The following SLC47A2 variants were observed in gnomAD, a reference collection of about 807,000 sequenced individuals.
SLC47A2 encodes solute carrier family 47 member 2.
A neutral mutation model predicts 67.7 loss-of-function variants in SLC47A2; 52 were observed. The ratio of observed to expected loss-of-function variants is 0.77; its 90% CI spans 0.61 to 0.97. The LOEUF (loss-of-function observed/expected upper bound fraction) is 0.97. Among genes scored for constraint, SLC47A2 ranks in the 50% least tolerant of loss-of-function variants. SLC47A2 has a pLI of 0.00. For missense variants in SLC47A2, 676 were observed against 712.3 expected (o/e 0.95, Z 0.58); for synonymous variants, 278 against 292.9 (o/e 0.95, Z 0.52).
chr17:19,680,007 C>T lies in SLC47A2; in HGVS notation c.1425G>A (p.Gln475=). 1 of 1,612,494 alleles carries T rather than the reference C, an allele frequency of 6.2e-7. No homozygotes were observed. The highest frequency in any genetic ancestry group is 8.5e-7 in the Non-Finnish European group (1 of 1,179,218). ...GTCTGGTTGCAGTGCTCTCTGCTCT[C>T]TGCTGCTGCTGCCGGCCTGAATGTT... is the stretch of plus-strand genomic sequence containing the variant. ...AKKHSGRQQQ[Q]RAESTATRPG... is the part of the protein sequence containing the mutation. Residue 475 remains glutamine, a synonymous_variant, in exon 16 of 17, where the codon CAG becomes CAA. Coordinates refer to ENST00000433844, the MANE Select transcript of SLC47A2 (RefSeq NM_001099646.3).
At chr17:19,690,509 T>C (rs2152342756) in intron 13 of SLC47A2, among the ~76,000 whole-genome samples, 1 of 152,178 alleles carries the variant, frequency 6.6e-6, no homozygotes, top group Non-Finnish European at 1.5e-5. Context: ...GAGAAGATAT[T>C]TGCAAACTAT....
At chr17:19,715,963 T>A (rs1286252334) in intron 1 of SLC47A2, 1 of 155,876 alleles carries the variant, frequency 6.4e-6, no homozygotes, top group African/African-American at 2.4e-5. Flanking sequence ...CTGCTCGGCC[T>A]CCCAAAGTGC....
intron 5 of SLC47A2, among the ~76,000 whole-genome samples, chr17:19,709,825 TC>T (rs982554283): frequency 9.9e-5 from 15 of 152,002 alleles, no homozygotes; most frequent in South Asian, 4.2e-4. Flanking sequence ...ACAGGGCATT[TC>T]CCCCCGACCC....
intron 13 of SLC47A2, among the ~76,000 whole-genome samples, chr17:19,682,364 C>CACACACACAA (rs778377991): frequency 1.4e-5 from 2 of 146,774 alleles, no homozygotes; most frequent in African/African-American, 5.4e-5. Flanking sequence ...CACACACACA[C>CACACACACAA]AAATTTATTA....
At chr17:19,698,091 A>G (rs1310366560) in intron 13 of SLC47A2, among the ~76,000 whole-genome samples, 1 of 152,158 alleles carries the variant, frequency 6.6e-6, no homozygotes, top group African/African-American at 2.4e-5. Context: ...TTTTGTAGAT[A>G]TTGACAAACT....
intron 5 of SLC47A2, among the ~76,000 whole-genome samples, chr17:19,709,961 A>G (rs964565360): frequency 1.8e-4 from 28 of 152,288 alleles, no homozygotes; most frequent in African/African-American, 5.8e-4. Flanking sequence ...CCAGAAAAAA[A>G]TCTGTAACCA....
chr17:19,703,950 G>A (rs1597621617), intron 11 of SLC47A2, 120 bp downstream of exon 11: 2 of 693,156 alleles, frequency 2.9e-6, no homozygotes, highest in East Asian at 3.2e-5. Context: ...CAGCAGGCTT[G>A]GAAGATAAAC....
intron 13 of SLC47A2, among the ~76,000 whole-genome samples, chr17:19,690,187 A>G (rs191328128): frequency 4.5e-4 from 69 of 152,342 alleles, no homozygotes; most frequent in African/African-American, 1.6e-3. Context: ...AGTCTCTTCA[A>G]TAAATAATGC....
intron 13 of SLC47A2, among the ~76,000 whole-genome samples, chr17:19,694,410 A>G (rs563288923): frequency 1.3e-5 from 2 of 152,340 alleles, no homozygotes; most frequent in African/African-American, 4.8e-5. Flanking sequence ...TCACAATGGC[A>G]TAGCATAGAC....
chr17:19,692,676 C>G (rs758761056), intron 13 of SLC47A2, among the ~76,000 whole-genome samples: 22 of 152,172 alleles, frequency 1.4e-4, no homozygotes, highest in Non-Finnish European at 2.2e-4. Context: ...TACTTCCAAA[C>G]TCATTCTGTA....
intron 8 of SLC47A2, among the ~76,000 whole-genome samples, chr17:19,707,289 C>T (rs2085967026): frequency 6.6e-6 from 1 of 151,906 alleles, no homozygotes; most frequent in Non-Finnish European, 1.5e-5. Flanking sequence ...TCTCAAGAGG[C>T]AGAAAAGGAC....
intron 5 of SLC47A2, 44 bp downstream of exon 5, chr17:19,712,658 AT>A: frequency 6.2e-7 from 1 of 1,603,718 alleles, no homozygotes. Context: ...AAAAGCCAGA[AT>A]TTAGGGGAAT....
At chr17:19,717,791 T>A (rs2086297399), upstream of SLC47A2, 2 of 152,080 alleles carry the variant, frequency 1.3e-5, no homozygotes, top group African/African-American at 4.8e-5. Flanking sequence ...ACACGCAGCC[T>A]TCTTTTTTGA....
chr17:19,689,243 AC>A (rs141029047), intron 13 of SLC47A2, among the ~76,000 whole-genome samples: 1 of 151,912 alleles, frequency 6.6e-6, no homozygotes, highest in East Asian at 1.9e-4. Flanking sequence ...AAACCTAAAG[AC>A]CCCCACCAAA....
At chr17:19,703,730 G>A (rs1213730991) in intron 11 of SLC47A2, among the ~76,000 whole-genome samples, 1 of 152,244 alleles carries the variant, frequency 6.6e-6, no homozygotes, top group Non-Finnish European at 1.5e-5. Flanking sequence ...GCTGGAAGGA[G>A]AGTGCTGGGC....
rs186720524 is a variant in SLC47A2, at chr17:19,685,456, G to A, written c.1165-3786C>T. Among the ~76,000 whole-genome samples, 392 of 151,080 alleles carry A rather than the reference G, an allele frequency of 2.6e-3. 5 individuals are homozygous for A. The highest frequency in any genetic ancestry group is 0.024 in the South Asian group (112 of 4,764). ...ATGTGAGGAGCCCCTCTGCCTGGCC[G>A]CCCCGTCTGGGAAGTGAGGAGTGCC... is the stretch of plus-strand genomic sequence containing the variant. On this transcript the variant is annotated intron_variant, in intron 13 of 16. Transcript: ENST00000433844. This position sits in a 1 kb window ranked among gnomAD's most constrained non-coding sequence, Gnocchi z 4.5.
At chr17:19,716,861 A>G (rs898235406), upstream of SLC47A2, 2 of 327,548 alleles carry the variant, frequency 6.1e-6, no homozygotes, top group South Asian at 6.0e-5. Flanking sequence ...GAGAAGGTCC[A>G]GGGCTGCCTG....
intron 13 of SLC47A2, among the ~76,000 whole-genome samples, chr17:19,686,493 C>T (rs1198593710): frequency 6.6e-6 from 1 of 152,068 alleles, no homozygotes; most frequent in Non-Finnish European, 1.5e-5. Flanking sequence ...ACTCTCTAGT[C>T]AAAAGACATA....
rs1326979937 is a variant in SLC47A2, at chr17:19,702,810, C to T, written c.1095-136G>A. ...AGTTGCCCCACACAAATGTAACTGG[C>T]ACTGCTAGCCCAGAGTTTTCTGTGT... On this transcript the variant is annotated intron_variant, in intron 12 of 16. Transcript: ENST00000433844. The T allele has an allele frequency of 3.9e-6, 4 of 1,019,504 alleles. No homozygotes were observed. The African/African-American group carries it at 4.8e-5, about 12-fold the overall frequency. The allele number at this position is 1,019,504 out of a possible 1,614,324, so 63.2% of individuals were successfully genotyped here.
Sources: allele counts gnomAD v4.1 joint callset (sites outside exome capture counted in the v4.1 genomes callset), GRCh38; gene constraint gnomAD v4.1.1; non-coding constraint Gnocchi (gnomAD v3.1); transcripts MANE v1.5; gene names NCBI Gene and HGNC (gene_info 2026-07-23, HGNC 2026-07-21).